The following ZMYM4 variants were observed in gnomAD, a reference collection of about 807,000 sequenced individuals.
The protein encoded by ZMYM4 is zinc finger MYM-type protein 4.
A neutral mutation model predicts 183.2 loss-of-function variants in ZMYM4; 31 were observed. The observed-to-expected ratio is 0.17, with a 90% confidence interval of 0.13 to 0.23. The LOEUF is 0.23. ZMYM4 is among the 10% of genes least tolerant of loss of function. The probability of loss-of-function intolerance (pLI) is 1.00; values close to 1 mark genes in which losing one functional copy is unlikely to be tolerated. For synonymous variants in ZMYM4, 592 were observed against 631.2 expected (o/e 0.94, Z 0.93); for missense variants, 1,273 against 1,840.3 (o/e 0.69, Z 5.64).
chr1:35,333,157 T>C (rs1642827141), intron 2 of ZMYM4, among the ~76,000 whole-genome samples: 1 of 152,212 alleles, frequency 6.6e-6, no homozygotes. Flanking sequence ...ATAAAATAGC[T>C]TTAAAAATTT....
chr1:35,304,995 G>T (rs752699690), intron 1 of ZMYM4, among the ~76,000 whole-genome samples: 12 of 151,916 alleles, frequency 7.9e-5, no homozygotes, highest in Non-Finnish European at 1.3e-4. Context: ...ACAGGCATGC[G>T]CTACTACGAC....
At chr1:35,293,205 A>G (rs778233682) in intron 1 of ZMYM4, among the ~76,000 whole-genome samples, 4 of 151,316 alleles carry the variant, frequency 2.6e-5, no homozygotes, top group South Asian at 2.1e-4. Context: ...GGGTCTTCCT[A>G]TGTTACTTAG....
intron 2 of ZMYM4, among the ~76,000 whole-genome samples, chr1:35,349,205 C>T (rs1643504904): frequency 6.6e-6 from 1 of 152,122 alleles, no homozygotes; most frequent in Non-Finnish European, 1.5e-5. Context: ...CCAGGCTCAT[C>T]TCGAACTCCT....
chr1:35,419,229 G>C (rs1640239093), intron 29 of ZMYM4, among the ~76,000 whole-genome samples: 3 of 152,058 alleles, frequency 2.0e-5, no homozygotes, highest in Admixed American at 1.3e-4. Context: ...TTGATTCCTG[G>C]GAGGAAATAT....
At chr1:35,409,668 G>A (rs1235547796) in intron 26 of ZMYM4, among the ~76,000 whole-genome samples, 2 of 151,936 alleles carry the variant, frequency 1.3e-5, no homozygotes, top group Non-Finnish European at 2.9e-5. Flanking sequence ...TTGGCTGGGT[G>A]CGGTGGCTCA....
rs1640313933 is a variant in ZMYM4, at chr1:35,421,164, G to C, written c.*1487G>C. 1 of 152,586 alleles carries C rather than the reference G, an allele frequency of 6.6e-6. No homozygotes were observed. Among genetic ancestry groups the C allele is most frequent in the South Asian group, 2.1e-4 (1 of 4,830 alleles). The allele number at this position is 152,586 out of a possible 1,614,324, so 9.5% of individuals were successfully genotyped here. A position where few individuals can be genotyped will look rare whatever the true frequency, so the allele number is the denominator to read the frequency against. On this transcript the variant is annotated 3_prime_UTR_variant, in exon 30 of 30. Transcript: ENST00000314607. ...CTCATTTTTTAGGTGGGGGTGGCAG[G>C]TGTATTTCTTTTTTAACAAATAAAA... is the stretch of plus-strand genomic sequence containing the variant.
chr1:35,302,195 T>G (rs1641310255), intron 1 of ZMYM4, among the ~76,000 whole-genome samples: 1 of 128,294 alleles, frequency 7.8e-6, no homozygotes, highest in Admixed American at 9.4e-5. Context: ...TAAAAACGGC[T>G]CTTGCTTTTT....
At chr1:35,382,138 T>G (rs1454944581) in intron 9 of ZMYM4, among the ~76,000 whole-genome samples, 1 of 131,316 alleles carries the variant, frequency 7.6e-6, no homozygotes, top group African/African-American at 3.0e-5. Context: ...AGAGTGAAAC[T>G]CCGTCTCAAA....
chr1:35,294,579 C>A (rs967283903), intron 1 of ZMYM4, among the ~76,000 whole-genome samples: 1 of 152,086 alleles, frequency 6.6e-6, no homozygotes. Flanking sequence ...TAAACAGATT[C>A]ATGTCTATAT....
At position 35,369,206 on chromosome 1, in the gene ZMYM4, T is replaced by A. The variant is rs181582368; in HGVS notation, c.841-823T>A. On this transcript the variant is annotated intron_variant, in intron 5 of 29. Coordinates refer to ENST00000314607, the MANE Select transcript of ZMYM4 (RefSeq NM_005095.3). Reference sequence around the variant, plus strand: ...TGTTTCAATATGATAAACAATATATTAAAATAAAAGTTAAATCTATTATGT... The same window carrying A: ...TGTTTCAATATGATAAACAATATATAAAAATAAAAGTTAAATCTATTATGT... 3.5e-3 allele frequency among the ~76,000 whole-genome samples: 527 copies of A among 152,306 alleles called. 2 individuals are homozygous for A. Among genetic ancestry groups the A allele is most frequent in the Non-Finnish European group, 4.8e-3 (328 of 68,004 alleles).
intron 1 of ZMYM4, among the ~76,000 whole-genome samples, chr1:35,283,583 C>A (rs1316664981): frequency 6.6e-6 from 1 of 151,180 alleles, no homozygotes; most frequent in South Asian, 2.1e-4. Flanking sequence ...GTGAGCCACC[C>A]GCCTCGGCCT....
Position 35,344,198 on chromosome 1 carries a change from C to T in ZMYM4, c.86-14727C>T, listed in dbSNP as rs570292748. ...CCTCCTGAGTAGCTGGAATTACAGG[C>T]GTGTGCCACCATGCCTGACTGATTT... On this transcript the variant is annotated intron_variant, in intron 2 of 29. Coordinates refer to ENST00000314607, the MANE Select transcript of ZMYM4 (RefSeq NM_005095.3). 5.3e-5 allele frequency among the ~76,000 whole-genome samples: 8 copies of T among 151,852 alleles called. No individual in the cohort carries two copies. In the East Asian group the frequency reaches 5.9e-4, roughly 11 times the overall value.
chr1:35,341,906 A>C (rs1302120024), intron 2 of ZMYM4, among the ~76,000 whole-genome samples: 1 of 152,192 alleles, frequency 6.6e-6, no homozygotes, highest in Non-Finnish European at 1.5e-5. Context: ...TGGCTGAATA[A>C]TATTCATATT....
chr1:35,342,551 G>T (rs1185781722), intron 2 of ZMYM4, among the ~76,000 whole-genome samples: 2 of 152,104 alleles, frequency 1.3e-5, no homozygotes, highest in African/African-American at 4.8e-5. Context: ...ATGGTGTTGA[G>T]CATTTTTCAG....
intron 1 of ZMYM4, among the ~76,000 whole-genome samples, chr1:35,315,948 A>G (rs1352053586): frequency 1.3e-5 from 2 of 152,092 alleles, no homozygotes; most frequent in Non-Finnish European, 2.9e-5. Flanking sequence ...AATTATTATT[A>G]TTTTTTAAAA....
At chr1:35,272,556 A>G (rs72658000) in intron 1 of ZMYM4, among the ~76,000 whole-genome samples, 4,970 of 152,304 alleles carry the variant, frequency 0.033, 122 homozygotes, top group Middle Eastern at 0.061. Context: ...CAGAGGCTCT[A>G]TGGGTTGAGT....
At chr1:35,272,994 G>A (rs1330447193) in intron 1 of ZMYM4, among the ~76,000 whole-genome samples, 3 of 152,172 alleles carry the variant, frequency 2.0e-5, no homozygotes, top group African/African-American at 7.2e-5. Flanking sequence ...GATTACAGGC[G>A]TGAGCCACCA....
chr1:35,397,668 C>A (rs990381207), intron 20 of ZMYM4, 123 bp downstream of exon 20: 6 of 773,344 alleles, frequency 7.8e-6, no homozygotes, highest in African/African-American at 7.2e-5. Context: ...GAATACCAAG[C>A]CTGTGGGGTT....
intron 7 of ZMYM4, among the ~76,000 whole-genome samples, chr1:35,376,400 C>A (rs1439290654): frequency 6.6e-6 from 1 of 152,222 alleles, no homozygotes; most frequent in African/African-American, 2.4e-5. Context: ...CTGGAAAACT[C>A]CTATTTAAGG....
Sources: gnomAD v4.1 joint callset for allele counts (sites outside exome capture counted in the v4.1 genomes callset) on GRCh38, gnomAD v4.1.1 for gene constraint, MANE v1.5 for transcripts, NCBI Gene and HGNC (gene_info 2026-07-23, HGNC 2026-07-21) for gene names.